Variants in SLCO1B1 observed in about 807,000 individuals in gnomAD.
The protein encoded by SLCO1B1 is solute carrier organic anion transporter family member 1B1, also known as OATP-2.
In SLCO1B1, 81 loss-of-function variants were observed where a neutral mutation model predicts 70.1. That is an observed-to-expected ratio of 1.16 (90% CI 0.97 to 1.39). The LOEUF is 1.39. SLCO1B1 is among the 40% of genes most tolerant of loss of function. The probability of loss-of-function intolerance (pLI) is 0.00; values close to 1 mark genes in which losing one functional copy is unlikely to be tolerated. For synonymous variants in SLCO1B1, 283 were observed against 271.5 expected (o/e 1.04, Z -0.42); for missense variants, 895 against 799.6 (o/e 1.12, Z -1.44).
intron 13 of SLCO1B1, among the ~76,000 whole-genome samples, chr12:21,224,358 A>T (rs78776970): frequency 0.011 from 1,637 of 152,164 alleles, 30 homozygotes; most frequent in African/African-American, 0.036. Flanking sequence ...ATTCTACTCC[A>T]TTTCAGGTTT....
At chr12:21,213,399 C>G (rs1393670062) in intron 11 of SLCO1B1, among the ~76,000 whole-genome samples, 1 of 151,856 alleles carries the variant, frequency 6.6e-6, no homozygotes, top group Non-Finnish European at 1.5e-5. Context: ...GGCCCCCACT[C>G]TCTTCTGGCT....
chr12:21,136,920 T>A (rs995972911), intron 1 of SLCO1B1, among the ~76,000 whole-genome samples: 3 of 152,174 alleles, frequency 2.0e-5, no homozygotes, highest in African/African-American at 7.2e-5. Context: ...ATCTTTAGAG[T>A]TTCCAGTTTT....
intron 7 of SLCO1B1, among the ~76,000 whole-genome samples, chr12:21,187,324 T>A (rs896732787): frequency 6.6e-6 from 1 of 152,046 alleles, no homozygotes; most frequent in Non-Finnish European, 1.5e-5. Context: ...TCTGAACAAT[T>A]AGTACTCTTT....
intron 2 of SLCO1B1, among the ~76,000 whole-genome samples, chr12:21,166,379 G>A (rs2219828): frequency 0.1 from 15,882 of 152,076 alleles, 1,036 homozygotes; most frequent in East Asian, 0.24. Flanking sequence ...AGAAGACATT[G>A]AAATGATATA....
intron 7 of SLCO1B1, among the ~76,000 whole-genome samples, chr12:21,181,535 C>T (rs1332844841): frequency 6.6e-6 from 1 of 152,082 alleles, no homozygotes; most frequent in East Asian, 1.9e-4. Flanking sequence ...GTTATCAAGT[C>T]AATGTTATCT....
At chr12:21,153,883 T>C (rs1248552661) in intron 2 of SLCO1B1, among the ~76,000 whole-genome samples, 1 of 152,026 alleles carries the variant, frequency 6.6e-6, no homozygotes, top group Non-Finnish European at 1.5e-5. Flanking sequence ...TCTAAGTGGT[T>C]ATATTTTCTT....
chr12:21,132,973 A>G (rs367824697), intron 1 of SLCO1B1, among the ~76,000 whole-genome samples: 2 of 151,858 alleles, frequency 1.3e-5, no homozygotes, highest in African/African-American at 2.4e-5. Context: ...TAGGTCTAAC[A>G]TTTAAGTCTT....
chr12:21,149,013 G>C (rs918823588), intron 2 of SLCO1B1, among the ~76,000 whole-genome samples: 6 of 151,962 alleles, frequency 3.9e-5, no homozygotes, highest in Non-Finnish European at 8.8e-5. Flanking sequence ...CTCATGATTT[G>C]GCTCTCTGTT....
chr12:21,163,369 A>G (rs1269904136), intron 2 of SLCO1B1, among the ~76,000 whole-genome samples: 3 of 152,164 alleles, frequency 2.0e-5, no homozygotes, highest in African/African-American at 7.2e-5. Context: ...ATGACTTAGT[A>G]TTGATTGATT....
chr12:21,149,398 A>C (rs761427400), intron 2 of SLCO1B1, among the ~76,000 whole-genome samples: 10 of 152,112 alleles, frequency 6.6e-5, no homozygotes, highest in Non-Finnish European at 1.2e-4. Flanking sequence ...GATATATTCC[A>C]TCAATACCTA....
intron 11 of SLCO1B1, among the ~76,000 whole-genome samples, chr12:21,215,212 A>G (rs139836960): frequency 2.5e-3 from 375 of 152,252 alleles, no homozygotes; most frequent in African/African-American, 8.2e-3. Flanking sequence ...TTCCAGTACT[A>G]TGTTGAATAG....
At chr12:21,184,429 C>T (rs1045897105) in intron 7 of SLCO1B1, among the ~76,000 whole-genome samples, 2 of 152,096 alleles carry the variant, frequency 1.3e-5, no homozygotes, top group Admixed American at 1.3e-4. Flanking sequence ...GAGCAAAAAC[C>T]ATACAAGCCA....
At chr12:21,221,259 G>C (rs1043035699) in intron 12 of SLCO1B1, among the ~76,000 whole-genome samples, 8 of 152,120 alleles carry the variant, frequency 5.3e-5, no homozygotes, top group African/African-American at 1.9e-4. Flanking sequence ...AACAAGACAA[G>C]TGTGTCTATT....
intron 2 of SLCO1B1, among the ~76,000 whole-genome samples, chr12:21,147,358 A>T (rs548323394): frequency 6.6e-6 from 1 of 152,210 alleles, no homozygotes; most frequent in East Asian, 1.9e-4. Context: ...ACATAGGTAA[A>T]CACATGCCAT....
At chr12:21,183,776 G>A (rs531783696) in intron 7 of SLCO1B1, among the ~76,000 whole-genome samples, 1 of 152,232 alleles carries the variant, frequency 6.6e-6, no homozygotes, top group African/African-American at 2.4e-5. Flanking sequence ...TGACAGACAG[G>A]CAATTCGGAA....
chr12:21,222,421 TATATATACAC>T lies in SLCO1B1; in HGVS notation c.1747+59_1747+68del, dbSNP rs1398879425. 1.0e-3 allele frequency: 165 copies of T among 158,692 alleles called. 1 individual carries two copies. Among genetic ancestry groups the T allele is most frequent in the African/African-American group, 4.3e-3 (98 of 22,704 alleles). The allele number at this position is 158,692 out of a possible 1,614,324, so 9.8% of individuals were successfully genotyped here. A position where few individuals can be genotyped will look rare whatever the true frequency, so the allele number is the denominator to read the frequency against. On this transcript the variant is annotated intron_variant, in intron 13 of 14. Coordinates refer to ENST00000256958, the MANE Select transcript of SLCO1B1 (RefSeq NM_006446.5). ...AAATATATATATATATATATATATA[TATATATACAC>T]ACACACATACATATATTAAATTTAA...
intron 2 of SLCO1B1, among the ~76,000 whole-genome samples, chr12:21,150,107 G>C (rs781352468): frequency 2.6e-5 from 4 of 152,100 alleles, no homozygotes; most frequent in Non-Finnish European, 5.9e-5. Context: ...GCCCACCGCA[G>C]CTCCACAAAG....
chr12:21,143,410 A>G (rs2417954), intron 2 of SLCO1B1, among the ~76,000 whole-genome samples: 83,467 of 151,754 alleles, frequency 0.55, 23,892 homozygotes, highest in South Asian at 0.77. Flanking sequence ...AAACAATAGT[A>G]AAACAAATGT....
rs1479599092 is a variant in SLCO1B1, at chr12:21,172,756, C to G, written c.191C>G (p.Ser64Cys). ...HIERRFEISS[S>C]LVGFIDGSFE... ...GAACGGAGATTTGAGATATCCTCTT[C>G]TCTTGTTGGTTTTATTGACGGAAGC... Residue 64 changes from serine (S) to cysteine (C), a missense_variant, in exon 3 of 15, where the codon TCT (serine) becomes TGT (cysteine). Ser to Cys is a moderately radical substitution (Grantham distance 112). Transcript: ENST00000256958. 1 of 1,613,344 alleles carries G rather than the reference C, an allele frequency of 6.2e-7. No individual in the cohort carries two copies. Among genetic ancestry groups the G allele is most frequent in the Non-Finnish European group, 8.5e-7 (1 of 1,179,742 alleles).
Sources: gnomAD v4.1 joint callset for allele counts (sites outside exome capture counted in the v4.1 genomes callset) on GRCh38, gnomAD v4.1.1 for gene constraint, MANE v1.5 for transcripts, NCBI Gene and HGNC (gene_info 2026-07-23, HGNC 2026-07-21) for gene names.